DSCAM: variants seen among roughly 807,000 people sequenced by gnomAD.
DSCAM encodes the protein cell adhesion molecule DSCAM.
In DSCAM, 47 loss-of-function variants were observed where a neutral mutation model predicts 217.7. The observed-to-expected ratio is 0.22, with a 90% CI of 0.17 to 0.28. DSCAM has a LOEUF of 0.28. Ranked by LOEUF, DSCAM falls within the 10% of genes least tolerant of loss-of-function variation. The probability of loss-of-function intolerance (pLI) is 1.00; values close to 1 mark genes in which losing one functional copy is unlikely to be tolerated. For missense variants in DSCAM, 2,080 were observed against 2,618.3 expected (o/e 0.79, Z 4.49); for synonymous variants, 1,056 against 1,015.3 (o/e 1.04, Z -0.76).
chr21:40,501,369 A>G (rs62225518), intron 3 of DSCAM, among the ~76,000 whole-genome samples: 13,512 of 152,130 alleles, frequency 0.089, 701 homozygotes, highest in Middle Eastern at 0.16. Context: ...GTTTCTACCC[A>G]GGTGTGTTAT....
rs150251049 is a variant in DSCAM, at chr21:40,517,070, C to G, written c.509-147825G>C. On this transcript the variant is annotated intron_variant, in intron 3 of 32. Coordinates refer to ENST00000400454, the MANE Select transcript of DSCAM (RefSeq NM_001389.5). ...CTTATATACTCTGTGTATATATATA[C>G]ATATGTTACATATATATGCACTCAC... Among the ~76,000 whole-genome samples the G allele has an allele frequency of 2.6e-3, 385 of 146,386 alleles. 1 individual carries two copies. Among genetic ancestry groups the G allele is most frequent in the Admixed American group, 5.5e-3 (79 of 14,410 alleles).
chr21:40,739,735 AAC>A (rs1274271544), intron 1 of DSCAM, among the ~76,000 whole-genome samples: 1 of 152,072 alleles, frequency 6.6e-6, no homozygotes, highest in East Asian at 1.9e-4. Flanking sequence ...CCTGGGGATA[AAC>A]TGTAGTTTTA....
chr21:40,450,417 C>A (rs2075709162), intron 3 of DSCAM, among the ~76,000 whole-genome samples: 1 of 152,106 alleles, frequency 6.6e-6, no homozygotes, highest in South Asian at 2.1e-4. Context: ...TTAATTCATT[C>A]ACAACTACAT....
chr21:40,489,188 A>T (rs1238541260), intron 3 of DSCAM, among the ~76,000 whole-genome samples: 1 of 152,190 alleles, frequency 6.6e-6, no homozygotes, highest in Admixed American at 6.5e-5. Flanking sequence ...TTGATATTTT[A>T]GTCAGTGGAC....
chr21:40,262,822 C>T (rs538128508), intron 11 of DSCAM, among the ~76,000 whole-genome samples: 4 of 152,188 alleles, frequency 2.6e-5, no homozygotes, highest in African/African-American at 9.6e-5. Context: ...TGCCTAATAC[C>T]GTGCTTGGCA....
At chr21:40,025,753 C>T (rs1160775250) in intron 32 of DSCAM, among the ~76,000 whole-genome samples, 1 of 149,758 alleles carries the variant, frequency 6.7e-6, no homozygotes, top group Non-Finnish European at 1.5e-5. Flanking sequence ...CTATTTGATT[C>T]TTCTCTCTTT....
chr21:40,480,372 C>A (rs2075971949), intron 3 of DSCAM, among the ~76,000 whole-genome samples: 1 of 152,206 alleles, frequency 6.6e-6, no homozygotes, highest in Non-Finnish European at 1.5e-5. Flanking sequence ...TCCTGGTATT[C>A]TTCCCTTTAA....
At chr21:40,063,530 C>T (rs534919684) in intron 27 of DSCAM, among the ~76,000 whole-genome samples, 33 of 151,852 alleles carry the variant, frequency 2.2e-4, no homozygotes, top group East Asian at 5.8e-4. Flanking sequence ...TTGAAATTCC[C>T]GTTTCCTTTA....
chr21:40,374,077 T>G (rs1654760802), intron 3 of DSCAM, among the ~76,000 whole-genome samples: 2 of 152,028 alleles, frequency 1.3e-5, no homozygotes, highest in South Asian at 2.1e-4. Context: ...AAGGGATAAG[T>G]GAGGTGGTAG....
chr21:40,276,301 T>G (rs1307383434), intron 10 of DSCAM, 31 bp from the exon 11 acceptor site: 2 of 1,561,490 alleles, frequency 1.3e-6, no homozygotes, highest in Non-Finnish European at 1.7e-6. Context: ...CGAGCAATGA[T>G]GCAAACGAGA....
intron 1 of DSCAM, among the ~76,000 whole-genome samples, chr21:40,816,088 C>T (rs1440902649): frequency 6.6e-6 from 1 of 152,202 alleles, no homozygotes; most frequent in African/African-American, 2.4e-5. Context: ...ACTAGAGAAA[C>T]AATGTCAAAA....
chr21:40,601,598 G>A (rs745971416), intron 3 of DSCAM, among the ~76,000 whole-genome samples: 1 of 152,166 alleles, frequency 6.6e-6, no homozygotes, highest in Non-Finnish European at 1.5e-5. Flanking sequence ...CAATCTTAGA[G>A]GGAAGAAACT....
intron 3 of DSCAM, among the ~76,000 whole-genome samples, chr21:40,554,735 A>G (rs936368357): frequency 1.3e-5 from 2 of 152,232 alleles, no homozygotes; most frequent in African/African-American, 4.8e-5. Context: ...AGAACAAACT[A>G]TATGTAAAAT....
In DSCAM at chr21:40,103,328, G is replaced by GA. The variant is rs548358214; in HGVS notation, c.3697-9455dup. 7.2e-3 allele frequency among the ~76,000 whole-genome samples: 1,082 copies of GA among 150,258 alleles called. 10 individuals carry two copies. The highest frequency in any genetic ancestry group is 8.4e-3 in the Non-Finnish European group (570 of 67,488). ...TCATAGATAGAATGTCCACAGCAGT[G>GA]AAAAAAAAACTCCCCCAAGCAATAA... On this transcript the variant is annotated intron_variant, in intron 20 of 32. Coordinates refer to ENST00000400454, the MANE Select transcript of DSCAM (RefSeq NM_001389.5).
intron 3 of DSCAM, among the ~76,000 whole-genome samples, chr21:40,450,168 C>T (rs2075707139): frequency 6.6e-6 from 1 of 152,140 alleles, no homozygotes; most frequent in Admixed American, 6.6e-5. Flanking sequence ...TTTCTTCACA[C>T]CATGGCACAA....
At chr21:40,395,094 A>G (rs2075166887) in intron 3 of DSCAM, among the ~76,000 whole-genome samples, 1 of 152,244 alleles carries the variant, frequency 6.6e-6, no homozygotes, top group South Asian at 2.1e-4. Flanking sequence ...CAAGATTGTT[A>G]TGAAAATTCT....
intron 3 of DSCAM, among the ~76,000 whole-genome samples, chr21:40,485,465 A>T (rs1247817511): frequency 6.6e-6 from 1 of 151,274 alleles, no homozygotes; most frequent in African/African-American, 2.4e-5. Flanking sequence ...GATGGTCTCC[A>T]TCTCCTGACC....
At chr21:40,420,089 A>G (rs965073461) in intron 3 of DSCAM, among the ~76,000 whole-genome samples, 5 of 152,234 alleles carry the variant, frequency 3.3e-5, no homozygotes, top group African/African-American at 1.2e-4. Flanking sequence ...ATACAGTAAC[A>G]GGATACCAAT....
At chr21:40,817,049 G>A (rs2091886817) in intron 1 of DSCAM, among the ~76,000 whole-genome samples, 1 of 151,614 alleles carries the variant, frequency 6.6e-6, no homozygotes, top group Admixed American at 6.6e-5. Flanking sequence ...CCAAATAATG[G>A]GTTATTCTTA....
Sources: gnomAD v4.1 joint callset for allele counts (sites outside exome capture counted in the v4.1 genomes callset) on GRCh38, gnomAD v4.1.1 for gene constraint, MANE v1.5 for transcripts, NCBI Gene and HGNC (gene_info 2026-07-23, HGNC 2026-07-21) for gene names.